Variants in ATG10 observed in about 807,000 individuals in gnomAD.
The protein encoded by ATG10 is autophagy related 10, also known as ubiquitin-like-conjugating enzyme ATG10.
A neutral mutation model predicts 32.1 loss-of-function variants in ATG10; 30 were observed. The observed-to-expected ratio is 0.94, with a 90% CI of 0.70 to 1.27. The LOEUF (loss-of-function observed/expected upper bound fraction) is 1.27. ATG10 is among the 50% of genes most tolerant of loss of function. ATG10 has a pLI of 0.00. For synonymous variants in ATG10, 87 were observed against 91.5 expected, an observed-to-expected ratio of 0.95 and a Z score of 0.28; for missense variants, 233 against 262.3, an observed-to-expected ratio of 0.89 and a Z score of 0.77.
intron 3 of ATG10, among the ~76,000 whole-genome samples, chr5:82,087,058 G>A (rs1764720111): frequency 6.6e-6 from 1 of 152,114 alleles, no homozygotes; most frequent in Admixed American, 6.6e-5. Flanking sequence ...CTGGGTGCAG[G>A]ATATTGTCCA....
chr5:82,034,819 T>C (rs1762860404), intron 2 of ATG10, among the ~76,000 whole-genome samples: 1 of 152,318 alleles, frequency 6.6e-6, no homozygotes, highest in South Asian at 2.1e-4. Flanking sequence ...ACCTTATCAG[T>C]GAGATCACAC....
intron 2 of ATG10, among the ~76,000 whole-genome samples, chr5:82,014,634 C>T (rs931712754): frequency 2.0e-5 from 3 of 151,934 alleles, no homozygotes; most frequent in Non-Finnish European, 2.9e-5. Flanking sequence ...CTGTTTTATC[C>T]GAGACTAGGA....
At chr5:82,164,097 G>A (rs910393983) in intron 3 of ATG10, among the ~76,000 whole-genome samples, 3 of 152,024 alleles carry the variant, frequency 2.0e-5, no homozygotes, top group Non-Finnish European at 4.4e-5. Context: ...TGCTAAAATT[G>A]TACAGTAAAG....
At chr5:82,032,844 T>C (rs1762781914) in intron 2 of ATG10, among the ~76,000 whole-genome samples, 1 of 152,036 alleles carries the variant, frequency 6.6e-6, no homozygotes, top group African/African-American at 2.4e-5. Context: ...TTTTAATATA[T>C]TAATTCATCT....
At position 82,034,011 on chromosome 5, in the gene ATG10, CTA is replaced by C. The variant is rs892531300; in HGVS notation, c.109-24475_109-24474del. ...TATATAGTATATATGTATATATGTA[CTA>C]TATATATACATATATAAAATATACA... On this transcript the variant is annotated intron_variant, in intron 2 of 7. Transcript: ENST00000282185. 4.5e-3 allele frequency among the ~76,000 whole-genome samples: 665 copies of C among 146,204 alleles called. 3 individuals carry two copies. Among genetic ancestry groups the C allele is most frequent in the African/African-American group, 0.015 (618 of 39,984 alleles).
chr5:82,034,832 G>A (rs941292592), intron 2 of ATG10, among the ~76,000 whole-genome samples: 8 of 152,020 alleles, frequency 5.3e-5, no homozygotes, highest in Non-Finnish European at 1.0e-4. Flanking sequence ...GATCACACCT[G>A]CCCACCCTAC....
chr5:82,065,263 G>T (rs1763906011), intron 3 of ATG10, among the ~76,000 whole-genome samples: 1 of 152,090 alleles, frequency 6.6e-6, no homozygotes, highest in African/African-American at 2.4e-5. Flanking sequence ...AGTCGGGGCG[G>T]ATCACTTGAG....
At chr5:82,149,555 C>A (rs751957746) in intron 3 of ATG10, among the ~76,000 whole-genome samples, 1 of 151,832 alleles carries the variant, frequency 6.6e-6, no homozygotes, top group Non-Finnish European at 1.5e-5. Flanking sequence ...GAACATGTTA[C>A]CAATTTATTA....
At chr5:82,170,445 T>C (rs1324589086) in intron 4 of ATG10, among the ~76,000 whole-genome samples, 1 of 152,166 alleles carries the variant, frequency 6.6e-6, no homozygotes, top group Non-Finnish European at 1.5e-5. Context: ...AGGTGCTGTT[T>C]TGAGAAGGCA....
chr5:82,075,067 GT>G (rs1695788304), intron 3 of ATG10, among the ~76,000 whole-genome samples: 1 of 152,144 alleles, frequency 6.6e-6, no homozygotes, highest in Admixed American at 6.5e-5. Context: ...AAGATGCTTT[GT>G]TTTATCTCTT....
intron 6 of ATG10, 33 bp downstream of exon 6, chr5:82,252,692 A>C: frequency 2.3e-6 from 3 of 1,279,248 alleles, no homozygotes; most frequent in Admixed American, 4.4e-5. Context: ...ATTGGCTTCT[A>C]CTCTGATTTT....
At chr5:82,173,459 T>C (rs1332804140) in intron 4 of ATG10, among the ~76,000 whole-genome samples, 1 of 152,208 alleles carries the variant, frequency 6.6e-6, no homozygotes, top group East Asian at 1.9e-4. Flanking sequence ...TCTTCTTCTT[T>C]TGTCATTGAC....
chr5:82,053,397 CT>C lies in ATG10; in HGVS notation c.109-5094del, dbSNP rs1763488000. On this transcript the variant is annotated intron_variant, in intron 2 of 7. Coordinates refer to ENST00000282185, the MANE Select transcript of ATG10 (RefSeq NM_031482.5). ...CTATTTTATATTGAAAAAATTAGTT[CT>C]TTTCTATGATATGAGCTACAAATGC... Among the ~76,000 whole-genome samples the C allele has an allele frequency of 2.0e-5, 3 of 151,864 alleles. No individual in the cohort carries two copies. In the South Asian group the frequency reaches 6.2e-4, roughly 32 times the overall value.
At chr5:82,137,096 A>G (rs1766789169) in intron 3 of ATG10, among the ~76,000 whole-genome samples, 1 of 152,060 alleles carries the variant, frequency 6.6e-6, no homozygotes, top group South Asian at 2.1e-4. Context: ...TCGTTATTTT[A>G]GTTAGCAATT....
intron 3 of ATG10, among the ~76,000 whole-genome samples, chr5:82,065,635 T>G (rs1179527587): frequency 6.6e-6 from 1 of 152,230 alleles, no homozygotes; most frequent in African/African-American, 2.4e-5. Context: ...TGATTTTTTT[T>G]GTATTTAATT....
At chr5:82,118,188 T>C (rs185631267) in intron 3 of ATG10, among the ~76,000 whole-genome samples, 1 of 151,234 alleles carries the variant, frequency 6.6e-6, no homozygotes, top group African/African-American at 2.4e-5. Context: ...ACAGGTTATA[T>C]TGCCTTTGTA....
intron 3 of ATG10, among the ~76,000 whole-genome samples, chr5:82,128,183 T>C (rs896366393): frequency 3.9e-5 from 6 of 152,038 alleles, no homozygotes; most frequent in African/African-American, 1.4e-4. Context: ...TATGTGTGTC[T>C]TTGCACGTGA....
At chr5:82,154,935 A>G (rs1266710145) in intron 3 of ATG10, among the ~76,000 whole-genome samples, 3 of 152,212 alleles carry the variant, frequency 2.0e-5, no homozygotes, top group African/African-American at 7.2e-5. Context: ...ATTCCTAGAC[A>G]TGCTGTTTCT....
At chr5:82,117,292 A>G (rs1318061001) in intron 3 of ATG10, among the ~76,000 whole-genome samples, 3 of 152,250 alleles carry the variant, frequency 2.0e-5, no homozygotes, top group East Asian at 1.9e-4. Context: ...GAGTATGGAC[A>G]GTTTTCACTG....
Sources: gnomAD v4.1 joint callset for allele counts (sites outside exome capture counted in the v4.1 genomes callset) on GRCh38, gnomAD v4.1.1 for gene constraint, MANE v1.5 for transcripts, NCBI Gene and HGNC (gene_info 2026-07-23, HGNC 2026-07-21) for gene names.